CRIM1: variants seen among roughly 807,000 people sequenced by gnomAD.
The protein encoded by CRIM1 is cysteine-rich motor neuron 1 protein.
In CRIM1, 32 loss-of-function variants were observed where a neutral mutation model predicts 116.4. That is an observed-to-expected ratio of 0.27 (90% CI 0.21 to 0.37). The LOEUF (loss-of-function observed/expected upper bound fraction) is 0.37. Ranked by LOEUF, CRIM1 falls within the 10% of genes least tolerant of loss-of-function variation. The pLI, the probability that CRIM1 is intolerant of heterozygous loss-of-function variation, is 1.00. For synonymous variants in CRIM1, 590 were observed against 509.2 expected (o/e 1.16, Z -2.13); for missense variants, 1,331 against 1,354.8 (o/e 0.98, Z 0.28).
chr2:36,495,009 C>G (rs1488100374), intron 7 of CRIM1, among the ~76,000 whole-genome samples: 1 of 152,184 alleles, frequency 6.6e-6, no homozygotes, highest in Non-Finnish European at 1.5e-5. Context: ...GAACATTTCT[C>G]TCCTTTGAAA....
At chr2:36,537,586 GTTGAT>G in intron 14 of CRIM1, 40 bp downstream of exon 14, 1 of 1,541,290 alleles carries the variant, frequency 6.5e-7, no homozygotes. Context: ...AAGCTGTAAT[GTTGAT>G]TTAAGATGAA....
At chr2:36,402,669 A>G (rs1413329163) in intron 2 of CRIM1, among the ~76,000 whole-genome samples, 8 of 151,354 alleles carry the variant, frequency 5.3e-5, no homozygotes, top group Non-Finnish European at 7.4e-5. Context: ...TTAGTAGTTC[A>G]TGTAAGAGAT....
chr2:36,543,095 A>ATAAT (rs567608850), intron 14 of CRIM1, among the ~76,000 whole-genome samples: 5 of 152,316 alleles, frequency 3.3e-5, no homozygotes, highest in African/African-American at 1.2e-4. Flanking sequence ...TAAAGGTTTT[A>ATAAT]TAATATAACT....
intron 13 of CRIM1, among the ~76,000 whole-genome samples, chr2:36,527,555 TAC>T (rs35040221): frequency 6.6e-6 from 1 of 152,214 alleles, no homozygotes; most frequent in African/African-American, 2.4e-5. Flanking sequence ...GATTAAATAA[TAC>T]TTAACCTTAA....
chr2:36,390,428 C>A (rs1047116856), intron 1 of CRIM1, among the ~76,000 whole-genome samples: 8 of 152,326 alleles, frequency 5.3e-5, no homozygotes, highest in African/African-American at 1.9e-4. Flanking sequence ...TCTGGTAGCC[C>A]ATGCTTTGCA....
chr2:36,523,990 TA>T (rs1470464546), intron 13 of CRIM1, among the ~76,000 whole-genome samples: 4 of 152,252 alleles, frequency 2.6e-5, no homozygotes, highest in Non-Finnish European at 4.4e-5. Context: ...AGTTCTGTTT[TA>T]AAAGCTAGAT....
chr2:36,460,706 C>A (rs1296281361), intron 4 of CRIM1, among the ~76,000 whole-genome samples: 4 of 152,154 alleles, frequency 2.6e-5, no homozygotes, highest in Non-Finnish European at 5.9e-5. Context: ...TACTGTTATT[C>A]CTGTCTTGTT....
intron 4 of CRIM1, among the ~76,000 whole-genome samples, chr2:36,460,467 T>G (rs2124997136): frequency 6.6e-6 from 1 of 152,356 alleles, no homozygotes; most frequent in Non-Finnish European, 1.5e-5. Flanking sequence ...CTAGTGATGG[T>G]TATACAACCT....
intron 2 of CRIM1, among the ~76,000 whole-genome samples, chr2:36,409,651 T>G (rs954856526): frequency 6.6e-6 from 1 of 152,198 alleles, no homozygotes; most frequent in African/African-American, 2.4e-5. Flanking sequence ...CGGTAGACAT[T>G]CTAGAAGACA....
Position 36,486,170 on chromosome 2 carries a change from C to A in CRIM1, c.1372+6476C>A, listed in dbSNP as rs558180675. 8.5e-5 allele frequency among the ~76,000 whole-genome samples: 13 copies of A among 152,250 alleles called. 1 individual carries two copies. Among genetic ancestry groups the A allele is most frequent in the African/African-American group, 3.1e-4 (13 of 41,554 alleles). ...ACATCCAGCCTTAATATATCACTTT[C>A]AAGATTTTGTGATTTTTCACAGCTA... is the stretch of plus-strand genomic sequence containing the variant. On this transcript the variant is annotated intron_variant, in intron 7 of 16. Coordinates refer to ENST00000280527, the MANE Select transcript of CRIM1 (RefSeq NM_016441.3).
intron 12 of CRIM1, among the ~76,000 whole-genome samples, chr2:36,518,277 C>T (rs944736960): frequency 2.0e-5 from 3 of 152,166 alleles, no homozygotes; most frequent in African/African-American, 4.8e-5. Context: ...ATAAAATTAT[C>T]AAGTTGACAG....
rs1441851284 is a variant in CRIM1, at chr2:36,550,854, T to C, written c.*2153T>C. 1 of 152,566 alleles carries C rather than the reference T, an allele frequency of 6.6e-6. No homozygotes were observed. The highest frequency in any genetic ancestry group is 2.4e-5 in the African/African-American group (1 of 41,450). The allele number at this position is 152,566 out of a possible 1,614,324, so 9.5% of individuals were successfully genotyped here. On this transcript the variant is annotated 3_prime_UTR_variant, in exon 17 of 17. Coordinates refer to ENST00000280527, the MANE Select transcript of CRIM1 (RefSeq NM_016441.3). ...CTTTTTGTTTTTTCAATCATGGCCA[T>C]ATTATGAAAATACTAACAGGATATA...
intron 1 of CRIM1, among the ~76,000 whole-genome samples, chr2:36,390,805 CTTATTT>C (rs1480903263): frequency 6.6e-6 from 1 of 151,960 alleles, no homozygotes; most frequent in Non-Finnish European, 1.5e-5. Flanking sequence ...GCTCCTGATA[CTTATTT>C]TTATTTATTT....
intron 15 of CRIM1, among the ~76,000 whole-genome samples, chr2:36,546,596 C>G (rs1233874291): frequency 6.6e-6 from 1 of 152,036 alleles, no homozygotes; most frequent in Non-Finnish European, 1.5e-5. Flanking sequence ...GCCAATAAAT[C>G]AGCTAATGTT....
At chr2:36,362,484 C>T (rs1469854784) in intron 1 of CRIM1, among the ~76,000 whole-genome samples, 3 of 152,172 alleles carry the variant, frequency 2.0e-5, no homozygotes, top group Non-Finnish European at 2.9e-5. Context: ...TGCTTCAAAA[C>T]GGCAAGTTTC....
chr2:36,403,551 C>T (rs1331693579), intron 2 of CRIM1, among the ~76,000 whole-genome samples: 1 of 151,946 alleles, frequency 6.6e-6, no homozygotes, highest in African/African-American at 2.4e-5. Context: ...TTAAGAGCAG[C>T]CTTGGATAGA....
At position 36,522,118 on chromosome 2, in the gene CRIM1, C is replaced by T. The variant is rs145721446; in HGVS notation, c.2233C>T (p.Arg745Cys). 5 of 1,613,998 alleles carry T rather than the reference C, an allele frequency of 3.1e-6. No individual in the cohort carries two copies. Among genetic ancestry groups the T allele is most frequent in the South Asian group, 2.2e-5 (2 of 91,084 alleles). ...TDQPFRPSLSRNNSVPNYCKN... is the reference protein window; with the variant it reads ...TDQPFRPSLSCNNSVPNYCKN... ...TCAACCTTTTCGGCCTTCCTTGTCC[C>T]GCAATAACAGCGTACCTAATTACTG... The change falls in exon 13 of 17, where the codon CGC becomes TGC. Residue 745 changes from arginine to cysteine, a missense_variant. This residue lies in a region of CRIM1 where 358 missense variants were observed against 436.1 expected (regional missense o/e 0.82). Transcript: ENST00000280527.
At chr2:36,542,706 A>AG (rs996076420) in intron 14 of CRIM1, among the ~76,000 whole-genome samples, 21 of 152,282 alleles carry the variant, frequency 1.4e-4, no homozygotes, top group African/African-American at 4.8e-4. Flanking sequence ...TAGGCAGGGG[A>AG]GGGGCAGAAG....
intron 8 of CRIM1, among the ~76,000 whole-genome samples, chr2:36,508,761 T>A (rs529066518): frequency 1.2e-4 from 19 of 152,344 alleles, no homozygotes; most frequent in African/African-American, 4.6e-4. Flanking sequence ...AAGCCCTATA[T>A]AACCTTTTAA....
Sources: gnomAD v4.1 joint callset for allele counts (sites outside exome capture counted in the v4.1 genomes callset) on GRCh38, gnomAD v4.1.1 for gene constraint, gnomAD v4.1.1 regional missense constraint, MANE v1.5 for transcripts, NCBI Gene and HGNC (gene_info 2026-07-23, HGNC 2026-07-21) for gene names.